The following ADD3 variants were observed in gnomAD, a reference collection of about 807,000 sequenced individuals.
The protein encoded by ADD3 is adducin 3.
A neutral mutation model predicts 80.2 loss-of-function variants in ADD3; 25 were observed. That is an observed-to-expected ratio of 0.31 (90% CI 0.23 to 0.44). The LOEUF is 0.44. Among genes scored for constraint, ADD3 ranks in the 20% least tolerant of loss-of-function variants. The pLI, the probability that ADD3 is intolerant of heterozygous loss-of-function variation, is 1.00. For missense variants in ADD3, 829 were observed against 847.5 expected (o/e 0.98, Z 0.27); for synonymous variants, 284 against 289.6 (o/e 0.98, Z 0.20).
At chr10:110,114,207 G>A (rs762358922) in intron 3 of ADD3, among the ~76,000 whole-genome samples, 4 of 152,212 alleles carry the variant, frequency 2.6e-5, no homozygotes, top group Non-Finnish European at 4.4e-5. Flanking sequence ...ACGCAGTGAA[G>A]TGAAAAGCGG....
intron 3 of ADD3, among the ~76,000 whole-genome samples, chr10:110,115,688 G>A (rs1285012629): frequency 6.6e-6 from 1 of 152,170 alleles, no homozygotes; most frequent in Non-Finnish European, 1.5e-5. Context: ...ATGAGGCAGT[G>A]TAAATAGTGT....
intron 1 of ADD3, among the ~76,000 whole-genome samples, chr10:110,078,836 G>A (rs539624550): frequency 1.8e-4 from 27 of 152,212 alleles, no homozygotes; most frequent in Middle Eastern, 3.4e-3. Flanking sequence ...GTTAAACTTC[G>A]ACTTTTACAG....
intron 4 of ADD3, 149 bp from the exon 5 acceptor site, chr10:110,117,193 G>A: frequency 2.0e-6 from 1 of 510,230 alleles, no homozygotes; most frequent in Non-Finnish European, 3.5e-6. Flanking sequence ...CTTTAGGAAA[G>A]TTTCATGTTG....
At chr10:110,116,562 C>A in intron 4 of ADD3, 152 bp downstream of exon 4, 1 of 747,774 alleles carries the variant, frequency 1.3e-6, no homozygotes, top group Non-Finnish European at 2.1e-6. Flanking sequence ...AAACCTTATA[C>A]CCAAGGGAGA....
intron 12 of ADD3, among the ~76,000 whole-genome samples, chr10:110,127,611 G>A (rs1047999199): frequency 1.2e-4 from 18 of 152,146 alleles, no homozygotes; most frequent in Admixed American, 6.5e-4. Context: ...GCGAGACTCC[G>A]TCTCAAAAAA....
upstream of ADD3, among the ~76,000 whole-genome samples, chr10:110,004,262 C>T (rs567610828): frequency 3.3e-5 from 5 of 151,624 alleles, no homozygotes; most frequent in Middle Eastern, 6.8e-3. Flanking sequence ...AGGCCGGGTG[C>T]GGTGGCTCAC....
intron 1 of ADD3, among the ~76,000 whole-genome samples, chr10:110,083,388 C>T (rs976455478): frequency 6.6e-6 from 1 of 151,894 alleles, no homozygotes; most frequent in Non-Finnish European, 1.5e-5. Context: ...TAGTGGCTGG[C>T]GCCTCTAGTC....
chr10:110,031,317 TG>T (rs1236950721), intron 1 of ADD3, among the ~76,000 whole-genome samples: 1 of 152,180 alleles, frequency 6.6e-6, no homozygotes, highest in African/African-American at 2.4e-5. Context: ...TACTATCCAT[TG>T]GGCACCTGCC....
chr10:110,068,830 A>T (rs1325433620), intron 1 of ADD3, among the ~76,000 whole-genome samples: 1 of 152,182 alleles, frequency 6.6e-6, no homozygotes, highest in South Asian at 2.1e-4. Flanking sequence ...TAATCCCAGC[A>T]CTTTGGGAGG....
intron 1 of ADD3, among the ~76,000 whole-genome samples, chr10:110,010,254 T>C (rs1852186597): frequency 6.6e-6 from 1 of 152,234 alleles, no homozygotes; most frequent in South Asian, 2.1e-4. Context: ...AGGCCTATCA[T>C]GTCTGAGTGC....
At chr10:110,099,100 A>C (rs1461693628) in intron 1 of ADD3, among the ~76,000 whole-genome samples, 1 of 135,596 alleles carries the variant, frequency 7.4e-6, no homozygotes, top group African/African-American at 2.8e-5. Context: ...TTTTTTTTTT[A>C]ATTTATTTTG....
Position 110,008,690 on chromosome 10 carries a change from G to C in ADD3, c.-30+391G>C, listed in dbSNP as rs570540811. Reference sequence around the variant, plus strand: ...CGGGGACCTTAAGCCCTGAAGGTGCGCTCCAGGGGAGTGAGAGGTTCCTGC... The same window carrying C: ...CGGGGACCTTAAGCCCTGAAGGTGCCCTCCAGGGGAGTGAGAGGTTCCTGC... On this transcript the variant is annotated intron_variant, in intron 1 of 14. Coordinates refer to ENST00000356080, the MANE Select transcript of ADD3 (RefSeq NM_016824.5). 3.3e-5 allele frequency among the ~76,000 whole-genome samples: 5 copies of C among 152,330 alleles called. No homozygotes were observed. The South Asian group carries it at 1.0e-3, about 32-fold the overall frequency.
At position 110,118,710 on chromosome 10, in the gene ADD3, C is replaced by T. The variant is rs183939533; in HGVS notation, c.691C>T (p.His231Tyr). The T allele has an allele frequency of 1.2e-6, 2 of 1,614,108 alleles. No individual in the cohort carries two copies. The highest frequency in any genetic ancestry group is 2.2e-5 in the East Asian group (1 of 44,862). Residue 231 changes from histidine to tyrosine, a missense_variant, in exon 6 of 15, where the codon CAC becomes TAC. His to Tyr is a moderately conservative substitution (Grantham distance 83). Transcript: ENST00000356080. ...STRPDVKCVIHIHTLATAAVS... is the reference protein window; with the variant it reads ...STRPDVKCVIYIHTLATAAVS... ...ACGTCCTGATGTTAAGTGTGTGATACACATCCATACCCTTGCAACAGCAGC... is the reference window on the plus strand; with the variant it reads ...ACGTCCTGATGTTAAGTGTGTGATATACATCCATACCCTTGCAACAGCAGC...
intron 1 of ADD3, among the ~76,000 whole-genome samples, chr10:110,018,486 C>A (rs1853258928): frequency 1.4e-5 from 2 of 142,448 alleles, no homozygotes; most frequent in Admixed American, 1.5e-4. Context: ...TGAGATCACG[C>A]CATTGCACTC....
chr10:110,095,033 T>C (rs945790481), intron 1 of ADD3, among the ~76,000 whole-genome samples: 12 of 152,226 alleles, frequency 7.9e-5, no homozygotes, highest in Admixed American at 5.9e-4. Flanking sequence ...AAGATTGTTT[T>C]TACTATTCCC....
intron 1 of ADD3, among the ~76,000 whole-genome samples, chr10:110,054,231 T>TTA (rs1387003458): frequency 6.6e-6 from 1 of 152,206 alleles, no homozygotes; most frequent in African/African-American, 2.4e-5. Context: ...TGTGTTACTT[T>TTA]TATAGTACAT....
At chr10:110,049,036 C>CTT (rs1857203464) in intron 1 of ADD3, among the ~76,000 whole-genome samples, 1 of 152,218 alleles carries the variant, frequency 6.6e-6, no homozygotes, top group South Asian at 2.1e-4. Flanking sequence ...AACCTAGGGA[C>CTT]TTGGTGCCTT....
chr10:110,011,092 T>C (rs1361568429), intron 1 of ADD3, among the ~76,000 whole-genome samples: 1 of 152,100 alleles, frequency 6.6e-6, no homozygotes, highest in East Asian at 1.9e-4. Context: ...GTCTTTTTTT[T>C]TTTTTTTGAA....
At chr10:110,125,976 A>C in intron 11 of ADD3, 31 bp downstream of exon 11, 1 of 1,569,054 alleles carries the variant, frequency 6.4e-7, no homozygotes, top group South Asian at 1.2e-5. Flanking sequence ...GCCAGGGGAG[A>C]CATTTTAATT....
Sources: allele counts gnomAD v4.1 joint callset (sites outside exome capture counted in the v4.1 genomes callset), GRCh38; gene constraint gnomAD v4.1.1; transcripts MANE v1.5; gene names NCBI Gene and HGNC (gene_info 2026-07-23, HGNC 2026-07-21).